The following CACNA2D3 variants were observed in gnomAD, a reference collection of about 807,000 sequenced individuals.
CACNA2D3 encodes calcium voltage-gated channel auxiliary subunit alpha2delta 3.
In CACNA2D3, 60 loss-of-function variants were observed where a neutral mutation model predicts 160.6. That is an observed-to-expected ratio of 0.37 (90% confidence interval 0.30 to 0.46). The LOEUF is 0.46. Ranked by LOEUF, CACNA2D3 falls within the 20% of genes least tolerant of loss-of-function variation. The pLI, the probability that CACNA2D3 is intolerant of heterozygous loss-of-function variation, is 1.00. For missense variants in CACNA2D3, 1,205 were observed against 1,365.0 expected (o/e 0.88, Z 1.85); for synonymous variants, 558 against 492.9 (o/e 1.13, Z -1.75).
intron 4 of CACNA2D3, among the ~76,000 whole-genome samples, chr3:54,447,536 G>T (rs1700242042): frequency 6.6e-6 from 1 of 152,216 alleles, no homozygotes. Context: ...ATGTGGCAGG[G>T]CCTTTGTGGC....
At chr3:54,933,695 T>G (rs919160011) in intron 27 of CACNA2D3, among the ~76,000 whole-genome samples, 20 of 152,286 alleles carry the variant, frequency 1.3e-4, no homozygotes, top group African/African-American at 4.6e-4. Context: ...TTTCCCATAC[T>G]TTCTTCAAAA....
chr3:54,146,022 A>G (rs1700024109), intron 2 of CACNA2D3, among the ~76,000 whole-genome samples: 2 of 151,940 alleles, frequency 1.3e-5, no homozygotes, highest in South Asian at 2.1e-4. Context: ...TAAAACCTGT[A>G]TTATATTTTT....
chr3:54,475,070 G>GA (rs2106883672), intron 4 of CACNA2D3, among the ~76,000 whole-genome samples: 1 of 152,300 alleles, frequency 6.6e-6, no homozygotes, highest in East Asian at 1.9e-4. Context: ...ATCTAAGTAA[G>GA]AGATTACCTT....
intron 3 of CACNA2D3, among the ~76,000 whole-genome samples, chr3:54,330,024 T>C (rs1011332736): frequency 6.6e-6 from 1 of 152,172 alleles, no homozygotes; most frequent in African/African-American, 2.4e-5. Flanking sequence ...TGGCATTTCA[T>C]TTACACTGCA....
At chr3:54,226,312 CTTTTTT>C (rs10677482) in intron 2 of CACNA2D3, among the ~76,000 whole-genome samples, 4 of 106,912 alleles carry the variant, frequency 3.7e-5, no homozygotes, top group Non-Finnish European at 3.5e-5. Context: ...GCCCCTGATG[CTTTTTT>C]TTTTTTTTTT....
intron 11 of CACNA2D3, among the ~76,000 whole-genome samples, chr3:54,737,909 A>G (rs1393535729): frequency 6.6e-6 from 1 of 152,054 alleles, no homozygotes; most frequent in Non-Finnish European, 1.5e-5. Context: ...CAGGTGATCC[A>G]CCTGTCTCGG....
intron 4 of CACNA2D3, among the ~76,000 whole-genome samples, chr3:54,413,390 A>G (rs1446455209): frequency 6.9e-6 from 1 of 144,194 alleles, no homozygotes; most frequent in East Asian, 2.0e-4. Flanking sequence ...CTAGATGCAT[A>G]TATATATCTA....
At chr3:54,663,016 C>T (rs570214462) in intron 11 of CACNA2D3, among the ~76,000 whole-genome samples, 13 of 152,270 alleles carry the variant, frequency 8.5e-5, no homozygotes, top group East Asian at 3.9e-4. Context: ...CAATATCTTT[C>T]GGTCCAGGAA....
At chr3:54,865,790 G>A (rs896997781) in intron 17 of CACNA2D3, among the ~76,000 whole-genome samples, 12 of 152,204 alleles carry the variant, frequency 7.9e-5, no homozygotes, top group Admixed American at 2.0e-4. Context: ...CCAAATGGGC[G>A]TGTTTTCAGG....
intron 27 of CACNA2D3, among the ~76,000 whole-genome samples, chr3:54,962,865 C>T (rs111286523): frequency 1.9e-3 from 288 of 152,052 alleles, no homozygotes; most frequent in African/African-American, 6.6e-3. Flanking sequence ...GATCTGTGCC[C>T]CTCTAGTATG....
chr3:54,277,705 T>G (rs575054536), intron 2 of CACNA2D3, among the ~76,000 whole-genome samples: 1 of 152,228 alleles, frequency 6.6e-6, no homozygotes, highest in Non-Finnish European at 1.5e-5. Context: ...ATTGAATCTA[T>G]AAATTACTTT....
chr3:54,904,136 AAG>A (rs1417164496), intron 27 of CACNA2D3, among the ~76,000 whole-genome samples: 2 of 152,244 alleles, frequency 1.3e-5, no homozygotes, highest in African/African-American at 4.8e-5. Context: ...GTAGAAGGGC[AAG>A]AGAGCACACA....
At chr3:54,855,097 C>G (rs937194034) in intron 17 of CACNA2D3, among the ~76,000 whole-genome samples, 1 of 152,194 alleles carries the variant, frequency 6.6e-6, no homozygotes, top group Non-Finnish European at 1.5e-5. Flanking sequence ...CAGACAGCAT[C>G]CCCCTGGCCC....
chr3:54,570,683 G>T (rs1408970321), intron 8 of CACNA2D3, among the ~76,000 whole-genome samples: 3 of 152,172 alleles, frequency 2.0e-5, no homozygotes, highest in African/African-American at 7.2e-5. Context: ...AAGTCTAGGA[G>T]GTAGGGGGTG....
chr3:54,176,629 T>C lies in CACNA2D3; in HGVS notation c.204+53035T>C, dbSNP rs1700684238. On this transcript the variant is annotated intron_variant, in intron 2 of 37. Coordinates refer to ENST00000474759, the MANE Select transcript of CACNA2D3 (RefSeq NM_018398.3). ...TATATTGTGGTGTCATTAGCTTGTG[T>C]AGCTTTTTGTTGTCATTGTCATCTC... 2.0e-5 allele frequency among the ~76,000 whole-genome samples: 3 copies of C among 152,262 alleles called. No homozygotes were observed. The South Asian group carries it at 6.2e-4, about 32-fold the overall frequency.
intron 35 of CACNA2D3, among the ~76,000 whole-genome samples, chr3:55,022,023 A>G (rs890531850): frequency 3.9e-5 from 6 of 152,194 alleles, no homozygotes; most frequent in African/African-American, 1.4e-4. Context: ...TATACAAATT[A>G]TGTTTCAAAC....
At chr3:55,011,264 C>CCA (rs1453044587) in intron 34 of CACNA2D3, among the ~76,000 whole-genome samples, 1 of 152,206 alleles carries the variant, frequency 6.6e-6, no homozygotes, top group Admixed American at 6.5e-5. Flanking sequence ...CTGCTTTCAT[C>CCA]CACACACATG....
intron 2 of CACNA2D3, among the ~76,000 whole-genome samples, chr3:54,280,852 C>T (rs2107462564): frequency 6.6e-6 from 1 of 152,250 alleles, no homozygotes; most frequent in Non-Finnish European, 1.5e-5. Flanking sequence ...CTGGGAAATG[C>T]CTTTAATGCT....
At position 54,514,812 on chromosome 3, in the gene CACNA2D3, C is replaced by T. The variant is rs142745466; in HGVS notation, c.544+11158C>T. On this transcript the variant is annotated intron_variant, in intron 5 of 37. Coordinates refer to ENST00000474759, the MANE Select transcript of CACNA2D3 (RefSeq NM_018398.3). ...TGGAGAATATTGCAGTGGGAGAGAA[C>T]ACACCACACAAGCTATTGGTAAGTA... Among the ~76,000 whole-genome samples the T allele has an allele frequency of 5.9e-3, 896 of 152,246 alleles. 9 individuals carry two copies. Among genetic ancestry groups the T allele is most frequent in the African/African-American group, 0.019 (800 of 41,546 alleles).
Sources: allele counts gnomAD v4.1 joint callset (sites outside exome capture counted in the v4.1 genomes callset), GRCh38; gene constraint gnomAD v4.1.1; transcripts MANE v1.5; gene names NCBI Gene and HGNC (gene_info 2026-07-23, HGNC 2026-07-21).